The following PCDHGA2 variants were observed in gnomAD, a reference collection of about 807,000 sequenced individuals.
The protein encoded by PCDHGA2 is protocadherin gamma-A2.
PCDHGA2 carries 40 observed loss-of-function variants against 59.2 expected under a neutral mutation model. The ratio of observed to expected loss-of-function variants is 0.68; its 90% CI spans 0.52 to 0.88. The LOEUF (loss-of-function observed/expected upper bound fraction) is 0.88. Among genes scored for constraint, PCDHGA2 ranks in the 40% least tolerant of loss-of-function variants. PCDHGA2 has a pLI of 0.00. For synonymous variants in PCDHGA2, 560 were observed against 526.0 expected (o/e 1.06, Z -0.89); for missense variants, 1,226 against 1,204.0 (o/e 1.02, Z -0.27).
In PCDHGA2 at chr5:141,375,349, GAC is replaced by G; in HGVS notation, c.2424+33956_2424+33957del. On this transcript the variant is annotated intron_variant, in intron 1 of 3. Transcript: ENST00000394576. ...AGGTATTCTTGTACAACATCACTGT[GAC>G]AGCCACGGACAAAGGAACACCACCT... 5 of 1,613,848 alleles carry G rather than the reference GAC, an allele frequency of 3.1e-6. No individual in the cohort carries two copies. In the South Asian group the frequency reaches 4.4e-5, roughly 14 times the overall value.
intron 1 of PCDHGA2, among the ~76,000 whole-genome samples, chr5:141,494,547 C>T (rs2099755185): frequency 6.6e-6 from 1 of 152,106 alleles, no homozygotes; most frequent in East Asian, 1.9e-4. Context: ...GAGGAAGGGG[C>T]CATTTCTTTA....
chr5:141,414,253 G>A (rs768166537), intron 1 of PCDHGA2: 1 of 1,613,492 alleles, frequency 6.2e-7, no homozygotes, highest in Non-Finnish European at 8.5e-7. Flanking sequence ...ATTTAGTCCA[G>A]TGACTGAAGA....
chr5:141,391,134 C>T (rs2092305385), intron 1 of PCDHGA2: 1 of 152,118 alleles, frequency 6.6e-6, no homozygotes, highest in African/African-American at 2.4e-5. Context: ...TAATCATTCT[C>T]CTACCTCTAG....
At chr5:141,409,831 C>A (rs1015263434) in intron 1 of PCDHGA2, 1 of 1,611,128 alleles carries the variant, frequency 6.2e-7, no homozygotes, top group African/African-American at 1.3e-5. Flanking sequence ...CCACGCTCAG[C>A]GCCAACGTGA....
chr5:141,482,205 C>A (rs1478729653), intron 1 of PCDHGA2, among the ~76,000 whole-genome samples: 1 of 151,896 alleles, frequency 6.6e-6, no homozygotes, highest in Non-Finnish European at 1.5e-5. Context: ...TAAAACAGAC[C>A]AGGTACTTGT....
chr5:141,377,563 C>G (rs987370681), intron 1 of PCDHGA2: 4 of 151,534 alleles, frequency 2.6e-5, no homozygotes, highest in African/African-American at 9.7e-5. Context: ...GTCACTGCAC[C>G]CTAGCCTGGG....
chr5:141,468,868 AAATAAT>A (rs993655754), intron 1 of PCDHGA2, among the ~76,000 whole-genome samples: 1 of 151,794 alleles, frequency 6.6e-6, no homozygotes, highest in Non-Finnish European at 1.5e-5. Context: ...TCCATCTCAA[AAATAAT>A]AATAATAATA....
chr5:141,486,844 C>T lies in PCDHGA2; in HGVS notation c.2425-7963C>T, dbSNP rs150549306. The T allele has an allele frequency of 1.1e-5, 17 of 1,614,220 alleles. No homozygotes were observed. The highest frequency in any genetic ancestry group is 1.4e-5 in the Non-Finnish European group (16 of 1,180,026). ...TAACAGTTCGTCTATTTGTGCTGGACCTCAATGACAATGCTCCAGCTGTGC... is the reference window on the plus strand; with the variant it reads ...TAACAGTTCGTCTATTTGTGCTGGATCTCAATGACAATGCTCCAGCTGTGC... On this transcript the variant is annotated intron_variant, in intron 1 of 3. Transcript: ENST00000394576. The surrounding 1 kb of genome is among the most constrained non-coding windows in gnomAD (Gnocchi z 5.0).
chr5:141,428,114 C>T (rs2097111703), intron 1 of PCDHGA2: 1 of 1,607,084 alleles, frequency 6.2e-7, no homozygotes, highest in Admixed American at 1.7e-5. Context: ...TGCAGGCCAT[C>T]GAGCCCGGGC....
At chr5:141,419,331 T>G (rs2096361475) in intron 1 of PCDHGA2, 2 of 1,613,840 alleles carry the variant, frequency 1.2e-6, no homozygotes, top group Non-Finnish European at 8.5e-7. Flanking sequence ...TCCTACTCTC[T>G]CATTGCCAGC....
intron 1 of PCDHGA2, chr5:141,409,619 C>A: frequency 6.2e-7 from 1 of 1,613,898 alleles, no homozygotes; most frequent in Non-Finnish European, 8.5e-7. Flanking sequence ...CTCCATTGCG[C>A]AAGTGAGCGC....
intron 1 of PCDHGA2, chr5:141,372,378 C>T: frequency 6.2e-7 from 1 of 1,614,030 alleles, no homozygotes; most frequent in African/African-American, 1.3e-5. Context: ...CATGCTGCAC[C>T]TAATCTTCGC....
chr5:141,385,518 A>G, intron 1 of PCDHGA2: 20 of 1,366,294 alleles, frequency 1.5e-5, no homozygotes, highest in East Asian at 5.4e-5. Context: ...GTGAAAGCCT[A>G]TGGACAAGAT....
chr5:141,449,756 T>C (rs2098654563), intron 1 of PCDHGA2, among the ~76,000 whole-genome samples: 1 of 151,728 alleles, frequency 6.6e-6, no homozygotes, highest in South Asian at 2.1e-4. Flanking sequence ...TTTATGACAT[T>C]TGAGAGTAAG....
At chr5:141,464,096 C>T (rs2099075769) in intron 1 of PCDHGA2, among the ~76,000 whole-genome samples, 1 of 152,016 alleles carries the variant, frequency 6.6e-6, no homozygotes, top group African/African-American at 2.4e-5. Context: ...GAAACTCCGT[C>T]TCTACTAAAA....
intron 1 of PCDHGA2, chr5:141,423,597 G>A: frequency 6.2e-7 from 1 of 1,613,188 alleles, no homozygotes; most frequent in Non-Finnish European, 8.5e-7. Context: ...AGAAAAGCGA[G>A]CCACTCTTGA....
At chr5:141,507,798 GCCCT>G (rs2099863561) in intron 3 of PCDHGA2, among the ~76,000 whole-genome samples, 1 of 152,188 alleles carries the variant, frequency 6.6e-6, no homozygotes, top group Admixed American at 6.5e-5. Context: ...CTAAGCCTGC[GCCCT>G]GGGGAACGGA....
chr5:141,420,330 C>G lies in PCDHGA2; in HGVS notation c.2425-74477C>G, dbSNP rs765696240. 711 of 1,399,258 alleles carry G rather than the reference C, an allele frequency of 5.1e-4. 1 individual carries two copies. The highest frequency in any genetic ancestry group is 6.5e-4 in the Non-Finnish European group (676 of 1,043,138). 86.7% of individuals were successfully genotyped at this position (1,399,258 alleles called of 1,614,324 possible). A position where few individuals can be genotyped will look rare whatever the true frequency, so the allele number is the denominator to read the frequency against. On this transcript the variant is annotated intron_variant, in intron 1 of 3. Coordinates refer to ENST00000394576, the MANE Select transcript of PCDHGA2 (RefSeq NM_018915.4). Reference sequence around the variant, plus strand: ...TTATATTACAATATGCCAATATATTCCAATATAGTGGTATTATTTTAAGAT... The same window carrying G: ...TTATATTACAATATGCCAATATATTGCAATATAGTGGTATTATTTTAAGAT...
chr5:141,429,896 A>G (rs1307950556), intron 1 of PCDHGA2, among the ~76,000 whole-genome samples: 1 of 152,346 alleles, frequency 6.6e-6, no homozygotes, highest in South Asian at 2.1e-4. Flanking sequence ...TGAACAATAA[A>G]TATTTTTGAA....
Sources: gnomAD v4.1 joint callset for allele counts (sites outside exome capture counted in the v4.1 genomes callset) on GRCh38, gnomAD v4.1.1 for gene constraint, Gnocchi (gnomAD v3.1) non-coding constraint, MANE v1.5 for transcripts, NCBI Gene and HGNC (gene_info 2026-07-23, HGNC 2026-07-21) for gene names.